CHAF1A: variants seen among roughly 807,000 people sequenced by gnomAD.
CHAF1A encodes the protein chromatin assembly factor 1 subunit A.
CHAF1A carries 5 observed loss-of-function variants against 93.2 expected under a neutral mutation model. The observed-to-expected ratio is 0.05, with a 90% CI of 0.03 to 0.11. The LOEUF (loss-of-function observed/expected upper bound fraction) is 0.11. CHAF1A is among the 10% of genes least tolerant of loss of function. The pLI is 1.00. For synonymous variants in CHAF1A, 504 were observed against 510.3 expected, an observed-to-expected ratio of 0.99 and a Z score of 0.17; for missense variants, 1,102 against 1,259.9, an observed-to-expected ratio of 0.87 and a Z score of 1.90.
At chr19:4,423,696 C>A in intron 6 of CHAF1A, 110 bp from the exon 7 acceptor site, 1 of 1,107,358 alleles carries the variant, frequency 9.0e-7, no homozygotes, top group Non-Finnish European at 1.4e-6. Context: ...CACAGTAGTG[C>A]CTTCAAGCTA....
chr19:4,447,019 A>G, downstream of CHAF1A: 1 of 1,228,676 alleles, frequency 8.1e-7, no homozygotes, highest in Non-Finnish European at 1.2e-6. Context: ...TATTGGGAGC[A>G]GCTGTCGACC....
chr19:4,406,113 A>G, intron 2 of CHAF1A, 151 bp downstream of exon 2: 1 of 661,412 alleles, frequency 1.5e-6, no homozygotes, highest in Non-Finnish European at 2.7e-6. Flanking sequence ...TCACACAGTA[A>G]TGTCTCGTGG....
intron 13 of CHAF1A, among the ~76,000 whole-genome samples, chr19:4,441,704 A>T (rs1974392573): frequency 6.6e-6 from 1 of 151,996 alleles, no homozygotes. Flanking sequence ...CAGGAGATCA[A>T]GACCATCCGG....
chr19:4,406,056 G>A (rs1973674479), intron 2 of CHAF1A, 94 bp downstream of exon 2: 2 of 986,636 alleles, frequency 2.0e-6, no homozygotes, highest in Non-Finnish European at 3.2e-6. Flanking sequence ...GAGCTAGAGG[G>A]GAGAGAAACA....
chr19:4,426,665 G>A (rs1002247273), intron 7 of CHAF1A, among the ~76,000 whole-genome samples: 3 of 151,604 alleles, frequency 2.0e-5, no homozygotes, highest in African/African-American at 7.3e-5. Context: ...GTAGAGACGG[G>A]GTTTTTCCAT....
rs1568180809 is a variant in CHAF1A at position 4,433,269 on chromosome 19, C to T, written c.2403C>T (p.Leu801=). ...AIPSKSRLKR[L]ISENSVYEKR... ...CCTCTAAGTCCCGGCTCAAGCGGCTCATTTCCGAGAACTCAGTGTATGAGA... is the reference window on the plus strand; with the variant it reads ...CCTCTAAGTCCCGGCTCAAGCGGCTTATTTCCGAGAACTCAGTGTATGAGA... Residue 801 remains leucine (L), a synonymous_variant, in exon 13 of 15, where the codon CTC becomes CTT. Transcript: ENST00000301280. This position sits in a 1 kb window ranked among gnomAD's most constrained non-coding sequence, Gnocchi z 5.6. The T allele has an allele frequency of 8.7e-6, 14 of 1,614,218 alleles. No individual in the cohort carries two copies. The highest frequency in any genetic ancestry group is 1.2e-5 in the Non-Finnish European group (14 of 1,180,048).
chr19:4,433,462 C>T lies in CHAF1A; in HGVS notation c.2596C>T (p.Pro866Ser), dbSNP rs1293380219. 3.4e-5 allele frequency: 55 copies of T among 1,602,310 alleles called. No homozygotes were observed. Among genetic ancestry groups the T allele is most frequent in the Non-Finnish European group, 4.5e-5 (53 of 1,170,538 alleles). Residue 866 changes from proline to serine, a missense_variant, in exon 13 of 15, where the codon CCC becomes TCC. Physicochemically the swap from Pro to Ser is moderately conservative, Grantham distance 74. Around this residue, in one of 6 missense-constraint regions of CHAF1A, gnomAD observed 76 missense variants for 129.8 expected, o/e 0.59. Coordinates refer to ENST00000301280, the MANE Select transcript of CHAF1A (RefSeq NM_005483.3). This position sits in a 1 kb window ranked among gnomAD's most constrained non-coding sequence, Gnocchi z 5.6. ...VPSTGPSQGT[P>S]ISLKRKSAGS... Reference sequence around the variant, plus strand: ...CTCCACGGGGCCCAGCCAGGGCACTCCCATCTCGCTGAAGAGGAAGTCAGC... The same window carrying T: ...CTCCACGGGGCCCAGCCAGGGCACTTCCATCTCGCTGAAGAGGAAGTCAGC...
chr19:4,402,847 G>T (rs1302245331), intron 1 of CHAF1A, 33 bp downstream of exon 1: 2 of 1,178,222 alleles, frequency 1.7e-6, no homozygotes, highest in Non-Finnish European at 2.1e-6. Flanking sequence ...GGGAAGGGGG[G>T]GCGCGGCGCG....
downstream of CHAF1A, chr19:4,445,569 T>C: frequency 1.9e-6 from 3 of 1,613,760 alleles, no homozygotes; most frequent in Non-Finnish European, 2.5e-6. Flanking sequence ...CCCGCGGCCT[T>C]GATGTCCTCC....
chr19:4,409,860 G>A (rs990285917), intron 3 of CHAF1A, 101 bp downstream of exon 3: 31 of 1,367,958 alleles, frequency 2.3e-5, no homozygotes, highest in Non-Finnish European at 3.1e-5. Flanking sequence ...CAGAGTGAGC[G>A]GGGCCACGGG....
chr19:4,446,851 G>A (rs542143097), downstream of CHAF1A: 6 of 1,614,052 alleles, frequency 3.7e-6, no homozygotes, highest in South Asian at 5.5e-5. Context: ...TCCTGGGCGG[G>A]AAGCAACACC....
intron 10 of CHAF1A, chr19:4,430,062 C>T (rs1368803258): frequency 1.3e-5 from 6 of 446,398 alleles, no homozygotes; most frequent in Admixed American, 4.0e-5. Context: ...TTGCCTCCTG[C>T]GGGCCTGCTG....
chr19:4,444,979 C>T, downstream of CHAF1A: 1 of 157,472 alleles, frequency 6.4e-6, no homozygotes, highest in Non-Finnish European at 1.4e-5. Flanking sequence ...CCCTGTGTCC[C>T]ACGGTTTCAA....
chr19:4,409,854 G>A (rs769425871), intron 3 of CHAF1A, 95 bp downstream of exon 3: 2 of 1,433,950 alleles, frequency 1.4e-6, no homozygotes, highest in Non-Finnish European at 1.9e-6. Context: ...TTGTGGCAGA[G>A]TGAGCGGGGC....
chr19:4,404,594 C>T (rs1026702777), intron 1 of CHAF1A, among the ~76,000 whole-genome samples: 3 of 151,990 alleles, frequency 2.0e-5, no homozygotes, highest in African/African-American at 4.8e-5. Flanking sequence ...AAGCTTGGGG[C>T]GGTGGGTGAG....
downstream of CHAF1A, chr19:4,448,308 A>G: frequency 6.3e-7 from 1 of 1,597,594 alleles, no homozygotes; most frequent in Non-Finnish European, 8.5e-7. Context: ...CAAAGGGGCC[A>G]CACGCTCACT....
At chr19:4,444,196 T>C (rs925886740), downstream of CHAF1A, among the ~76,000 whole-genome samples, 1 of 152,112 alleles carries the variant, frequency 6.6e-6, no homozygotes, top group Non-Finnish European at 1.5e-5. Context: ...CCACACCAGC[T>C]GGGGCAGTGC....
At chr19:4,424,701 C>G (rs1260800103) in intron 7 of CHAF1A, among the ~76,000 whole-genome samples, 2 of 152,170 alleles carry the variant, frequency 1.3e-5, no homozygotes, top group South Asian at 2.1e-4. Flanking sequence ...GTGGTGCGAT[C>G]TCAGCTCACT....
chr19:4,435,087 C>CTTTTTTTTTTT (rs869255408), intron 13 of CHAF1A, among the ~76,000 whole-genome samples: 28 of 87,962 alleles, frequency 3.2e-4, no homozygotes, highest in South Asian at 4.3e-4. Flanking sequence ...CTTTTTTTTC[C>CTTTTTTTTTTT]TTTTTTTTTT....
Sources: gnomAD v4.1 joint callset for allele counts (sites outside exome capture counted in the v4.1 genomes callset) on GRCh38, gnomAD v4.1.1 for gene constraint, gnomAD v4.1.1 regional missense constraint, Gnocchi (gnomAD v3.1) non-coding constraint, MANE v1.5 for transcripts, NCBI Gene and HGNC (gene_info 2026-07-23, HGNC 2026-07-21) for gene names.